Variants in BZW2 observed in about 807,000 individuals in gnomAD.
BZW2 encodes the protein eIF5-mimic protein 1.
Under a neutral mutation model 53.2 loss-of-function variants are expected in BZW2, and 23 were observed. The ratio of observed to expected loss-of-function variants is 0.43; its 90% CI spans 0.31 to 0.61. BZW2 has a LOEUF of 0.61. Ranked by LOEUF, BZW2 falls within the 20% of genes least tolerant of loss-of-function variation. The pLI, the probability that BZW2 is intolerant of heterozygous loss-of-function variation, is 0.09. For synonymous variants in BZW2, 227 were observed against 186.4 expected, an observed-to-expected ratio of 1.22 and a Z score of -1.77; for missense variants, 409 against 503.1, an observed-to-expected ratio of 0.81 and a Z score of 1.79.
chr7:16,682,028 T>A (rs902403503), intron 4 of BZW2, among the ~76,000 whole-genome samples: 16 of 152,328 alleles, frequency 1.1e-4, no homozygotes, highest in Admixed American at 1.0e-3. Context: ...TGTGTGTTAA[T>A]TCCCTGCCTG....
chr7:16,690,780 A>C (rs2128366025), intron 7 of BZW2, among the ~76,000 whole-genome samples: 1 of 152,336 alleles, frequency 6.6e-6, no homozygotes, highest in South Asian at 2.1e-4. Context: ...AAAATCCAGA[A>C]AAATATTTTG....
intron 1 of BZW2, among the ~76,000 whole-genome samples, chr7:16,655,072 C>T (rs1203703624): frequency 6.6e-6 from 1 of 152,226 alleles, no homozygotes; most frequent in Non-Finnish European, 1.5e-5. Flanking sequence ...TGGTTGGACA[C>T]ACCAGATAGC....
Position 16,684,918 on chromosome 7 carries a change from C to T in BZW2, c.406-987C>T, listed in dbSNP as rs935869175. On this transcript the variant is annotated intron_variant, in intron 5 of 11. Coordinates refer to ENST00000258761, the MANE Select transcript of BZW2 (RefSeq NM_014038.3). ...TAAGTTAATATTTTCTTATCCCCTA[C>T]ACAGTTAGTGGAATAATCATGTCAT... Among the ~76,000 whole-genome samples the T allele has an allele frequency of 2.0e-5, 3 of 152,178 alleles. No individual in the cohort carries two copies. The East Asian group carries it at 5.8e-4, about 29-fold the overall frequency.
intron 8 of BZW2, 68 bp from the exon 9 acceptor site, chr7:16,696,847 C>A (rs113056886): frequency 1.4e-4 from 207 of 1,530,194 alleles, no homozygotes; most frequent in Middle Eastern, 5.2e-4. Context: ...ATTGACTGGG[C>A]AGCTAGCGGG....
intron 7 of BZW2, among the ~76,000 whole-genome samples, chr7:16,694,607 A>G (rs559644464): frequency 7.3e-4 from 111 of 152,212 alleles, no homozygotes; most frequent in Non-Finnish European, 1.5e-3. Context: ...AGTAGGGTCC[A>G]AGTTTATCTC....
At chr7:16,681,526 T>A (rs1024048090) in intron 4 of BZW2, 122 bp downstream of exon 4, 1 of 832,398 alleles carries the variant, frequency 1.2e-6, no homozygotes, top group Non-Finnish European at 1.8e-6. Flanking sequence ...ATGAAAATAA[T>A]GGGCATTAAA....
chr7:16,663,511 ATTT>A (rs1181418660), intron 1 of BZW2, among the ~76,000 whole-genome samples: 1 of 152,090 alleles, frequency 6.6e-6, no homozygotes, highest in African/African-American at 2.4e-5. Context: ...TAATAAACAG[ATTT>A]TTTATTATGT....
rs556013987 is a variant in BZW2, at chr7:16,648,978, A to G, written c.-8+2690A>G. Among the ~76,000 whole-genome samples the G allele has an allele frequency of 4.6e-5, 7 of 152,308 alleles. No homozygotes were observed. The East Asian group carries it at 1.2e-3, about 25-fold the overall frequency. On this transcript the variant is annotated intron_variant, in intron 1 of 11. Coordinates refer to ENST00000258761, the MANE Select transcript of BZW2 (RefSeq NM_014038.3). ...TTCATGTCTCTTGGCAAGGGTTATA[A>G]GTAAAATCTTTGTACATGGAGGATA...
chr7:16,676,070 G>T (rs888632540), intron 3 of BZW2, among the ~76,000 whole-genome samples: 4 of 152,126 alleles, frequency 2.6e-5, no homozygotes, highest in Admixed American at 6.5e-5. Context: ...GACAGAGCGA[G>T]ATTCTCTCTC....
chr7:16,656,547 G>A (rs1385430305), intron 1 of BZW2, among the ~76,000 whole-genome samples: 12 of 111,452 alleles, frequency 1.1e-4, no homozygotes, highest in African/African-American at 2.5e-4. Context: ...ACTCCCCAGC[G>A]CGCGCGCGCA....
chr7:16,655,736 T>A (rs540158021), intron 1 of BZW2, among the ~76,000 whole-genome samples: 396 of 152,248 alleles, frequency 2.6e-3, no homozygotes, highest in Non-Finnish European at 4.7e-3. Flanking sequence ...GATACCAACT[T>A]TTTTAGATTC....
chr7:16,677,108 A>C (rs367577910), intron 3 of BZW2, among the ~76,000 whole-genome samples: 2 of 145,576 alleles, frequency 1.4e-5, no homozygotes, highest in East Asian at 4.1e-4. Context: ...CAGAGCTCCC[A>C]TACAAAGGGA....
intron 2 of BZW2, among the ~76,000 whole-genome samples, chr7:16,674,097 A>G (rs1029874547): frequency 3.9e-5 from 6 of 152,042 alleles, no homozygotes. Flanking sequence ...ACGGAGTTTC[A>G]TTGTTTTGGC....
At chr7:16,701,553 C>G (rs1442300959) in intron 10 of BZW2, among the ~76,000 whole-genome samples, 3 of 152,074 alleles carry the variant, frequency 2.0e-5, no homozygotes, top group African/African-American at 4.8e-5. Flanking sequence ...TTCTGAATTT[C>G]AAGAGTTTCA....
intron 2 of BZW2, among the ~76,000 whole-genome samples, chr7:16,665,881 T>C (rs1782408471): frequency 6.6e-6 from 1 of 152,098 alleles, no homozygotes; most frequent in Non-Finnish European, 1.5e-5. Flanking sequence ...AATTAGGAAG[T>C]GAGATATTGA....
intron 1 of BZW2, among the ~76,000 whole-genome samples, chr7:16,656,150 T>TATATATATATATATACACAC (rs143994492): frequency 6.7e-6 from 1 of 150,256 alleles, no homozygotes; most frequent in African/African-American, 2.5e-5. Flanking sequence ...TATATATATA[T>TATATATATATATATACACAC]ACATAAATAT....
intron 8 of BZW2, 72 bp from the exon 9 acceptor site, chr7:16,696,843 T>C (rs1382959601): frequency 2.0e-6 from 3 of 1,503,582 alleles, no homozygotes; most frequent in South Asian, 2.4e-5. Context: ...CTTGATTGAC[T>C]GGGCAGCTAG....
chr7:16,699,381 T>A (rs571191230), intron 10 of BZW2, among the ~76,000 whole-genome samples: 1 of 152,316 alleles, frequency 6.6e-6, no homozygotes, highest in East Asian at 1.9e-4. Context: ...TACCAATTCA[T>A]AGATGGTACC....
chr7:16,652,711 G>C (rs1024265276), intron 1 of BZW2, among the ~76,000 whole-genome samples: 1 of 152,108 alleles, frequency 6.6e-6, no homozygotes, highest in African/African-American at 2.4e-5. Context: ...TTTTAGTACA[G>C]ACGGGGTTTC....
Sources: gnomAD v4.1 joint callset for allele counts (sites outside exome capture counted in the v4.1 genomes callset) on GRCh38, gnomAD v4.1.1 for gene constraint, MANE v1.5 for transcripts, NCBI Gene and HGNC (gene_info 2026-07-23, HGNC 2026-07-21) for gene names.